Variants in LAMB4 observed in about 807,000 individuals in gnomAD.
The protein encoded by LAMB4 is laminin subunit beta-4.
Under a neutral mutation model 199.2 loss-of-function variants are expected in LAMB4, and 196 were observed. The ratio of observed to expected loss-of-function variants is 0.98; its 90% CI spans 0.88 to 1.11. The LOEUF is 1.11. LAMB4 is among the 50% of genes least tolerant of loss of function. LAMB4 has a pLI of 0.00. For synonymous variants in LAMB4, 744 were observed against 770.6 expected (o/e 0.97, Z 0.57); for missense variants, 2,080 against 2,171.2 (o/e 0.96, Z 0.83).
At chr7:108,043,545 G>GTGTTTTTT (rs2035496985) in intron 29 of LAMB4, among the ~76,000 whole-genome samples, 6 of 55,998 alleles carry the variant, frequency 1.1e-4, no homozygotes, top group African/African-American at 7.3e-4. Flanking sequence ...TGGCTATGAT[G>GTGTTTTTT]TTTTTTTTTT....
At chr7:108,089,285 C>T (rs1289007467) in intron 14 of LAMB4, among the ~76,000 whole-genome samples, 1 of 152,134 alleles carries the variant, frequency 6.6e-6, no homozygotes, top group Admixed American at 6.5e-5. Flanking sequence ...TCAATGAGTT[C>T]TCAATGCCCA....
chr7:108,014,765 A>G, the LAMB4 span, among the ~76,000 whole-genome samples: 1 of 150,726 alleles, frequency 6.6e-6, no homozygotes, highest in Non-Finnish European at 1.5e-5. Flanking sequence ...TTCTGTCACT[A>G]AGGCTGGAGT....
At position 108,103,030 on chromosome 7, in the gene LAMB4, A is replaced by G; in HGVS notation, c.1180+14T>C. On this transcript the variant is annotated intron_variant, in intron 10 of 33. Coordinates refer to ENST00000388781, the MANE Select transcript of LAMB4 (RefSeq NM_007356.3). ...CAGACAGTGGGTAGGATCCAGGCAG[A>G]CCCGGGGACTCACGAATGCACGCGT... 6.4e-7 allele frequency: 1 copy of G among 1,553,598 alleles called. No individual in the cohort carries two copies. Among genetic ancestry groups the G allele is most frequent in the Admixed American group, 1.7e-5 (1 of 57,620 alleles).
chr7:108,120,476 T>C (rs2038560505), intron 2 of LAMB4, among the ~76,000 whole-genome samples: 2 of 152,218 alleles, frequency 1.3e-5, no homozygotes, highest in African/African-American at 4.8e-5. Context: ...AATGTAAAGA[T>C]TATTATTCTA....
In LAMB4 at chr7:108,057,872, GCAC is replaced by G; in HGVS notation, c.3336_3338del (p.Glu1112_Cys1113delinsAsp). 1 of 1,613,376 alleles carries G rather than the reference GCAC, an allele frequency of 6.2e-7. No individual in the cohort carries two copies. ...GTGGATCACCATAATAATTTTCCTG[GCAC>G]TCACTGCAACGTTTCCCGCCGTAAC... On this transcript the variant is annotated inframe_deletion, in exon 24 of 34. Coordinates refer to ENST00000388781, the MANE Select transcript of LAMB4 (RefSeq NM_007356.3).
chr7:108,074,408 G>T (rs893614041), intron 17 of LAMB4, among the ~76,000 whole-genome samples: 7 of 151,870 alleles, frequency 4.6e-5, no homozygotes, highest in African/African-American at 1.5e-4. Context: ...TTGCTCTGTC[G>T]CCCAGGCTGG....
intron 2 of LAMB4, among the ~76,000 whole-genome samples, chr7:108,122,130 C>G (rs1263000815): frequency 6.6e-6 from 1 of 152,168 alleles, no homozygotes; most frequent in Non-Finnish European, 1.5e-5. Context: ...GAGGAGGGCT[C>G]TCTCAGCAAC....
rs573359256 is a variant in LAMB4 at position 108,034,272 on chromosome 7, C to T, written c.4754G>A (p.Arg1585Gln). 5.4e-5 allele frequency: 87 copies of T among 1,613,494 alleles called. 2 individuals are homozygous for T. The highest frequency in any genetic ancestry group is 5.3e-4 in the South Asian group (48 of 91,060). ...QLQQAQITQG[R>Q]ANSTITQLTA... ...CAGCTGTGTAATGGTAGAGTTTGCC[C>T]GTCCTTGAGTGATTTGAGCTTGTTG... Residue 1585 changes from arginine (R) to glutamine (Q), a missense_variant, in exon 31 of 34, where the codon CGG becomes CAG. Physicochemically the swap from Arg to Gln is conservative, Grantham distance 43. Transcript: ENST00000388781.
chr7:108,077,043 G>C lies in LAMB4; in HGVS notation c.2025C>G (p.Pro675=), dbSNP rs2036729741. The part of the protein sequence containing the change: ...AATRIMLLPT[P]ICLEPDVQYS... ...ATTGTACATCTGGTTCTAAACAGAT[G>C]GGTGTGGGAAGCAGCATGATTCTGT... Residue 675 remains proline (P), a synonymous_variant, in exon 17 of 34, where the codon CCC becomes CCG. Transcript: ENST00000388781. 6.2e-7 allele frequency: 1 copy of C among 1,613,852 alleles called. No homozygotes were observed. The highest frequency in any genetic ancestry group is 2.2e-5 in the East Asian group (1 of 44,876).
intron 32 of LAMB4, 69 bp from the exon 33 acceptor site, chr7:108,029,265 T>C: frequency 7.3e-7 from 1 of 1,364,494 alleles, no homozygotes; most frequent in Non-Finnish European, 1.0e-6. Context: ...ATGATGATTC[T>C]CCTAATTCCA....
rs780591770 is a variant in LAMB4 at position 108,048,064 on chromosome 7, G to C, written c.4170C>G (p.Gly1390=). Reference sequence around the variant, plus strand: ...CCTTCCGGCCCGTGCAGAGAGCACCGCCACAGGGCAAGGGCACACATGGCA... The same window carrying C: ...CCTTCCGGCCCGTGCAGAGAGCACCCCCACAGGGCAAGGGCACACATGGCA... The part of the protein sequence containing the change: ...GNVPCVPLPC[G]GALCTGRKGH... Residue 1390 remains glycine, a synonymous_variant, in exon 28 of 34, where the codon GGC becomes GGG. Coordinates refer to ENST00000388781, the MANE Select transcript of LAMB4 (RefSeq NM_007356.3). The C allele has an allele frequency of 1.4e-5, 23 of 1,613,180 alleles. No homozygotes were observed. Among genetic ancestry groups the C allele is most frequent in the Non-Finnish European group, 1.9e-5 (23 of 1,179,894 alleles).
At chr7:108,042,937 CTGTG>C (rs754739499) in intron 29 of LAMB4, among the ~76,000 whole-genome samples, 8,528 of 140,322 alleles carry the variant, frequency 0.061, 287 homozygotes, top group Middle Eastern at 0.14. Flanking sequence ...CTCTCAATCT[CTGTG>C]TGTGTGTGTG....
chr7:108,126,554 CTTTTTTT>C (rs71137605), intron 1 of LAMB4, among the ~76,000 whole-genome samples: 5 of 83,520 alleles, frequency 6.0e-5, no homozygotes, highest in Admixed American at 2.1e-4. Context: ...GAATTTCTTT[CTTTTTTT>C]TTTTTTTTTT....
At chr7:108,097,085 G>C (rs2037636119) in intron 11 of LAMB4, among the ~76,000 whole-genome samples, 1 of 152,222 alleles carries the variant, frequency 6.6e-6, no homozygotes, top group South Asian at 2.1e-4. Flanking sequence ...AGGTATGATG[G>C]GAAATTGGTT....
At chr7:108,044,955 CAAAAAAAAAAA>C (rs756256335) in intron 28 of LAMB4, among the ~76,000 whole-genome samples, 1 of 56,572 alleles carries the variant, frequency 1.8e-5, no homozygotes, top group African/African-American at 7.7e-5. Context: ...ATTCTTGTCT[CAAAAAAAAAAA>C]AAAAAAAAGA....
At chr7:108,058,262 C>T (rs1317240002) in intron 23 of LAMB4, among the ~76,000 whole-genome samples, 1 of 152,208 alleles carries the variant, frequency 6.6e-6, no homozygotes, top group Non-Finnish European at 1.5e-5. Context: ...GGAGTTCCTC[C>T]ATAAGTGAGT....
chr7:108,064,677 A>C (rs2036275582), intron 21 of LAMB4, among the ~76,000 whole-genome samples: 1 of 152,134 alleles, frequency 6.6e-6, no homozygotes, highest in Admixed American at 6.6e-5. Flanking sequence ...AACATACCAA[A>C]CCATGCATTG....
intron 28 of LAMB4, among the ~76,000 whole-genome samples, chr7:108,045,924 G>GGT (rs1563043170): frequency 2.0e-5 from 3 of 151,624 alleles, no homozygotes; most frequent in Admixed American, 6.6e-5. Context: ...GGATATAGGG[G>GGT]GTGTGTGTGT....
intron 2 of LAMB4, among the ~76,000 whole-genome samples, chr7:108,121,858 C>T (rs1430480688): frequency 1.3e-5 from 2 of 151,852 alleles, no homozygotes; most frequent in Non-Finnish European, 2.9e-5. Flanking sequence ...TTATATTGCT[C>T]AGTCAGAAGA....
Sources: gnomAD v4.1 joint callset for allele counts (sites outside exome capture counted in the v4.1 genomes callset) on GRCh38, gnomAD v4.1.1 for gene constraint, MANE v1.5 for transcripts, NCBI Gene and HGNC (gene_info 2026-07-23, HGNC 2026-07-21) for gene names.